Variants in DENND1B observed in about 807,000 individuals in gnomAD.
DENND1B encodes the protein DENN domain containing 1B, also known as DENN domain-containing protein 1B.
In DENND1B, 59 loss-of-function variants were observed where a neutral mutation model predicts 90.1. That is an observed-to-expected ratio of 0.65 (90% CI 0.53 to 0.81). The LOEUF is 0.81. Ranked by LOEUF, DENND1B falls within the 40% of genes least tolerant of loss-of-function variation. The pLI, the probability that DENND1B is intolerant of heterozygous loss-of-function variation, is 0.00. For missense variants in DENND1B, 862 were observed against 912.6 expected (o/e 0.94, Z 0.71); for synonymous variants, 337 against 324.6 (o/e 1.04, Z -0.41).
intron 7 of DENND1B, among the ~76,000 whole-genome samples, chr1:197,647,351 T>C (rs1343588174): frequency 6.6e-6 from 1 of 152,114 alleles, no homozygotes. Flanking sequence ...TATTTGACGA[T>C]TTTGAAATGT....
At chr1:197,640,417 G>A (rs911069650) in intron 10 of DENND1B, among the ~76,000 whole-genome samples, 15 of 150,894 alleles carry the variant, frequency 9.9e-5, no homozygotes, top group Non-Finnish European at 1.6e-4. Flanking sequence ...AGGTTAGAGT[G>A]AGCCAAGATT....
At chr1:197,642,301 T>C (rs1202852934) in intron 10 of DENND1B, among the ~76,000 whole-genome samples, 1 of 152,140 alleles carries the variant, frequency 6.6e-6, no homozygotes, top group Admixed American at 6.5e-5. Context: ...GCAACAAAGA[T>C]GAATCTACCT....
intron 2 of DENND1B, among the ~76,000 whole-genome samples, chr1:197,738,634 G>A (rs991054270): frequency 2.0e-5 from 3 of 152,158 alleles, no homozygotes; most frequent in African/African-American, 7.2e-5. Context: ...CATGTACTTA[G>A]TTACCATAGC....
At chr1:197,717,958 C>G (rs964754099) in intron 2 of DENND1B, among the ~76,000 whole-genome samples, 4 of 152,058 alleles carry the variant, frequency 2.6e-5, no homozygotes, top group African/African-American at 7.2e-5. Flanking sequence ...AGACTACATA[C>G]TTTTGGAAAA....
At chr1:197,565,127 T>C (rs1307250606) in intron 15 of DENND1B, among the ~76,000 whole-genome samples, 1 of 152,064 alleles carries the variant, frequency 6.6e-6, no homozygotes, top group Non-Finnish European at 1.5e-5. Flanking sequence ...ATACAAGTGC[T>C]GACATTAGCT....
intron 14 of DENND1B, among the ~76,000 whole-genome samples, chr1:197,584,000 CACAA>C (rs1325299676): frequency 3.9e-5 from 6 of 152,192 alleles, no homozygotes; most frequent in South Asian, 4.1e-4. Context: ...GCCCATTCAA[CACAA>C]ACAAAGATAA....
chr1:197,530,530 T>G (rs1410229525), intron 20 of DENND1B, among the ~76,000 whole-genome samples: 1 of 152,196 alleles, frequency 6.6e-6, no homozygotes, highest in East Asian at 1.9e-4. Context: ...AGTTTTATAT[T>G]TCTATTCAAG....
chr1:197,569,266 C>T (rs1373685668), intron 15 of DENND1B, among the ~76,000 whole-genome samples: 1 of 151,904 alleles, frequency 6.6e-6, no homozygotes, highest in East Asian at 1.9e-4. Context: ...ATCAAAAAGA[C>T]AAGAGGTAAG....
rs139631859 is a variant in DENND1B, at chr1:197,516,971, C to T, written c.1516-4018G>A. ...GGAAAGCTTTATCTGCTAAGTGTTCCTCTGTATGGCCACATATTTGGTAAA... is the reference window on the plus strand; with the variant it reads ...GGAAAGCTTTATCTGCTAAGTGTTCTTCTGTATGGCCACATATTTGGTAAA... On this transcript the variant is annotated intron_variant, in intron 20 of 22. Coordinates refer to ENST00000620048, the MANE Select transcript of DENND1B (RefSeq NM_001195215.2). Among the ~76,000 whole-genome samples, 3 of 151,884 alleles carry T rather than the reference C, an allele frequency of 2.0e-5. No individual in the cohort carries two copies. In the East Asian group the frequency reaches 5.8e-4, roughly 30 times the overall value.
chr1:197,586,129 T>C lies in DENND1B; in HGVS notation c.1048-2876A>G, dbSNP rs1674671552. Among the ~76,000 whole-genome samples, 3 of 152,194 alleles carry C rather than the reference T, an allele frequency of 2.0e-5. No individual in the cohort carries two copies. The South Asian group carries it at 6.2e-4, about 31-fold the overall frequency. Reference sequence around the variant, plus strand: ...TAATAATGTAAGTCATTATTGTCACTCTTCACTCTCATTTTCTCCTGAGAT... The same window carrying C: ...TAATAATGTAAGTCATTATTGTCACCCTTCACTCTCATTTTCTCCTGAGAT... On this transcript the variant is annotated intron_variant, in intron 14 of 22. Transcript: ENST00000620048.
intron 3 of DENND1B, chr1:197,688,652 T>C (rs1485503449): frequency 2.0e-5 from 3 of 152,278 alleles, no homozygotes; most frequent in African/African-American, 4.8e-5. Flanking sequence ...TCTTACACTA[T>C]ACACAAAAAT....
At chr1:197,738,667 G>A (rs1311768080) in intron 2 of DENND1B, among the ~76,000 whole-genome samples, 2 of 152,174 alleles carry the variant, frequency 1.3e-5, no homozygotes, top group African/African-American at 2.4e-5. Context: ...CATAGATGCA[G>A]AATGTTAAAG....
intron 10 of DENND1B, among the ~76,000 whole-genome samples, chr1:197,623,103 A>G (rs181090631): frequency 6.6e-6 from 1 of 151,478 alleles, no homozygotes; most frequent in Non-Finnish European, 1.5e-5. Flanking sequence ...TAGAAATCCT[A>G]CACTTCAGCT....
intron 13 of DENND1B, among the ~76,000 whole-genome samples, chr1:197,596,228 C>T (rs1247064749): frequency 1.3e-5 from 2 of 151,912 alleles, no homozygotes; most frequent in Non-Finnish European, 2.9e-5. Flanking sequence ...CTTTTAAGTG[C>T]TATGTATTTT....
At chr1:197,584,070 A>G (rs1445203404) in intron 14 of DENND1B, among the ~76,000 whole-genome samples, 1 of 152,190 alleles carries the variant, frequency 6.6e-6, no homozygotes. Flanking sequence ...TGATTCCTTC[A>G]TTACAATGCA....
intron 14 of DENND1B, among the ~76,000 whole-genome samples, chr1:197,584,761 T>C (rs1674549294): frequency 6.6e-6 from 1 of 152,114 alleles, no homozygotes; most frequent in Non-Finnish European, 1.5e-5. Flanking sequence ...AGCCTTGACC[T>C]CCTGGGCTCA....
At chr1:197,511,699 AT>A (rs776615462) in intron 22 of DENND1B, 28 bp downstream of exon 22, 1 of 1,532,560 alleles carries the variant, frequency 6.5e-7, no homozygotes, top group Non-Finnish European at 8.8e-7. Flanking sequence ...TTTTCTTCTA[AT>A]TTTATAAGTA....
intron 2 of DENND1B, among the ~76,000 whole-genome samples, chr1:197,728,544 A>G (rs1420529316): frequency 6.6e-6 from 1 of 152,190 alleles, no homozygotes; most frequent in African/African-American, 2.4e-5. Context: ...AAAGTTTCAG[A>G]ATCAGCCTTC....
chr1:197,537,998 T>C (rs1316127421), intron 20 of DENND1B, among the ~76,000 whole-genome samples: 2 of 152,192 alleles, frequency 1.3e-5, no homozygotes, highest in East Asian at 3.9e-4. Context: ...TTAGACCCTA[T>C]AAATTTATAT....
Sources: gnomAD v4.1 joint callset for allele counts (sites outside exome capture counted in the v4.1 genomes callset) on GRCh38, gnomAD v4.1.1 for gene constraint, MANE v1.5 for transcripts, NCBI Gene and HGNC (gene_info 2026-07-23, HGNC 2026-07-21) for gene names.